WDR7: variants seen among roughly 807,000 people sequenced by gnomAD.
WDR7 encodes WD repeat domain 7, also known as WD repeat-containing protein 7.
Under a neutral mutation model 169.4 loss-of-function variants are expected in WDR7, and 46 were observed. The observed-to-expected ratio is 0.27, with a 90% CI of 0.21 to 0.35. The LOEUF is 0.35. Among genes scored for constraint, WDR7 ranks in the 10% least tolerant of loss-of-function variants. WDR7 has a pLI of 1.00. For synonymous variants in WDR7, 612 were observed against 666.8 expected, an observed-to-expected ratio of 0.92 and a Z score of 1.27; for missense variants, 1,534 against 1,859.3, an observed-to-expected ratio of 0.83 and a Z score of 3.22.
intron 26 of WDR7, among the ~76,000 whole-genome samples, chr18:56,991,201 A>C (rs1045398941): frequency 3.0e-5 from 4 of 132,718 alleles, no homozygotes; most frequent in Non-Finnish European, 6.1e-5. Flanking sequence ...GGCTGGAGTG[A>C]AGTGGCACGA....
At chr18:56,878,558 C>T (rs1192555545) in intron 20 of WDR7, among the ~76,000 whole-genome samples, 1 of 152,058 alleles carries the variant, frequency 6.6e-6, no homozygotes, top group Non-Finnish European at 1.5e-5. Context: ...TCTAAAAAAA[C>T]AAATGTACTG....
At chr18:57,015,488 CTT>C (rs1599248621) in intron 26 of WDR7, among the ~76,000 whole-genome samples, 1 of 152,074 alleles carries the variant, frequency 6.6e-6, no homozygotes, top group African/African-American at 2.4e-5. Flanking sequence ...CTTTTAAACT[CTT>C]TTGAAATGGC....
At chr18:56,653,438 C>T (rs548816900) in intron 1 of WDR7, among the ~76,000 whole-genome samples, 48 of 152,278 alleles carry the variant, frequency 3.2e-4, no homozygotes, top group African/African-American at 8.7e-4. Context: ...AACTCCTGAC[C>T]TCAGGTGATC....
At chr18:56,694,140 A>G (rs2025645019) in intron 9 of WDR7, among the ~76,000 whole-genome samples, 1 of 151,914 alleles carries the variant, frequency 6.6e-6, no homozygotes, top group Non-Finnish European at 1.5e-5. Flanking sequence ...TGGGATTACA[A>G]GCATGAGCCA....
chr18:56,923,939 C>A lies in WDR7; in HGVS notation c.3544C>A (p.Leu1182Ile). 3 of 1,560,798 alleles carry A rather than the reference C, an allele frequency of 1.9e-6. No homozygotes were observed. Among genetic ancestry groups the A allele is most frequent in the Non-Finnish European group, 1.7e-6 (2 of 1,158,764 alleles). ...AATTTCAGGCAAGGCACTGACGTTT[C>A]TTCTGCTACAGCCTCCAAGCCCCAA... ...ARHTCKALTFLLLQPPSPKLP... is the reference protein window; with the variant it reads ...ARHTCKALTFILLQPPSPKLP... The change falls in exon 22 of 28, where the codon CTT becomes ATT. Residue 1182 changes from leucine (L) to isoleucine (I), a missense_variant. Leu to Ile is a conservative substitution (Grantham distance 5, BLOSUM62 2). Transcript: ENST00000254442.
At chr18:56,707,421 G>GT (rs1463989976) in intron 12 of WDR7, among the ~76,000 whole-genome samples, 12 of 144,334 alleles carry the variant, frequency 8.3e-5, no homozygotes, top group African/African-American at 3.1e-4. Flanking sequence ...CTAACTTTGC[G>GT]TTTTGTTTTT....
chr18:56,908,058 C>G (rs1321653763), intron 21 of WDR7, among the ~76,000 whole-genome samples: 2 of 152,092 alleles, frequency 1.3e-5, no homozygotes, highest in Non-Finnish European at 2.9e-5. Context: ...TATAAACATG[C>G]ATTTAAGCTT....
intron 25 of WDR7, among the ~76,000 whole-genome samples, chr18:56,960,946 A>T (rs1019491738): frequency 6.6e-6 from 1 of 152,058 alleles, no homozygotes; most frequent in Non-Finnish European, 1.5e-5. Flanking sequence ...ACCCAGCAGG[A>T]CACACTAAAG....
intron 21 of WDR7, among the ~76,000 whole-genome samples, chr18:56,917,063 G>T (rs991624134): frequency 2.0e-5 from 3 of 152,158 alleles, no homozygotes; most frequent in Non-Finnish European, 4.4e-5. Context: ...CAGGCATGGT[G>T]GTGCATGCCT....
chr18:56,687,495 G>A (rs1257177067), intron 7 of WDR7, among the ~76,000 whole-genome samples: 1 of 152,162 alleles, frequency 6.6e-6, no homozygotes, highest in Non-Finnish European at 1.5e-5. Context: ...AGCTTGCCAT[G>A]TATTATTTCT....
intron 16 of WDR7, among the ~76,000 whole-genome samples, chr18:56,772,244 TCCATCAAAATAAA>T (rs563467556): frequency 2.5e-3 from 375 of 152,138 alleles, no homozygotes; most frequent in Admixed American, 4.1e-3. Context: ...CAAGATGTGC[TCCATCAAAATAAA>T]GAAGTAAACC....
At chr18:57,025,642 A>C (rs1210762859) in intron 27 of WDR7, among the ~76,000 whole-genome samples, 1 of 152,220 alleles carries the variant, frequency 6.6e-6, no homozygotes, top group South Asian at 2.1e-4. Context: ...TTATTAATGC[A>C]GGAAAATCAG....
intron 26 of WDR7, among the ~76,000 whole-genome samples, chr18:56,978,937 TCCC>T (rs1359618515): frequency 6.6e-6 from 1 of 152,134 alleles, no homozygotes; most frequent in Non-Finnish European, 1.5e-5. Flanking sequence ...AATATTTCAG[TCCC>T]CAAGGCCTAT....
intron 14 of WDR7, among the ~76,000 whole-genome samples, chr18:56,741,510 TTAAAA>T (rs1428436030): frequency 1.3e-5 from 2 of 152,202 alleles, no homozygotes; most frequent in African/African-American, 4.8e-5. Flanking sequence ...AAGTTCTCCA[TTAAAA>T]TAAAAGTCCA....
chr18:56,664,664 T>C (rs1306794913), intron 1 of WDR7, among the ~76,000 whole-genome samples: 1 of 152,198 alleles, frequency 6.6e-6, no homozygotes, highest in Non-Finnish European at 1.5e-5. Flanking sequence ...TGTTTATTCA[T>C]TCAATAAATA....
chr18:56,833,209 A>G (rs1010613875), intron 20 of WDR7, among the ~76,000 whole-genome samples: 1 of 151,926 alleles, frequency 6.6e-6, no homozygotes, highest in Non-Finnish European at 1.5e-5. Flanking sequence ...TATTAGTAGC[A>G]GAATTGGTCA....
intron 21 of WDR7, among the ~76,000 whole-genome samples, chr18:56,908,778 C>G (rs1367933023): frequency 6.6e-6 from 1 of 152,164 alleles, no homozygotes; most frequent in Non-Finnish European, 1.5e-5. Context: ...ACCTACCAGT[C>G]AGTCAGCAAA....
chr18:56,802,524 T>C (rs75428245), intron 19 of WDR7, among the ~76,000 whole-genome samples: 1 of 2,836 alleles, frequency 3.5e-4, no homozygotes, highest in African/African-American at 9.0e-4. Flanking sequence ...CACCGGCTAA[T>C]TTTTTTTTTT....
chr18:56,881,209 A>G (rs189675476), intron 21 of WDR7, among the ~76,000 whole-genome samples: 6 of 152,322 alleles, frequency 3.9e-5, no homozygotes, highest in Admixed American at 3.3e-4. Context: ...GAAAGACTTC[A>G]TTCAACAAAT....
Sources: allele counts gnomAD v4.1 joint callset (sites outside exome capture counted in the v4.1 genomes callset), GRCh38; gene constraint gnomAD v4.1.1; transcripts MANE v1.5; gene names NCBI Gene and HGNC (gene_info 2026-07-23, HGNC 2026-07-21).